ZNF469: variants seen among roughly 807,000 people sequenced by gnomAD.
The protein encoded by ZNF469 is zinc finger protein 469.
ZNF469 carries 1 observed loss-of-function variant against 1.0 expected under a neutral mutation model. That is an observed-to-expected ratio of 1.00 (90% confidence interval 0.35 to 4.73). ZNF469 has a LOEUF of 4.73. Ranked by LOEUF, ZNF469 falls within the 30% of genes most tolerant of loss-of-function variation. ZNF469 has a pLI of 0.16. For missense variants in ZNF469, 6,100 were observed against 5,356.3 expected (o/e 1.14, Z -4.33); for synonymous variants, 2,703 against 2,363.4 (o/e 1.14, Z -4.17).
chr16:88,104,700 G>A, the ZNF469 span, among the ~76,000 whole-genome samples: 1 of 152,242 alleles, frequency 6.6e-6, no homozygotes, highest in African/African-American at 2.4e-5. Flanking sequence ...AGAAAGGTTA[G>A]AAACTTCAGC....
At chr16:88,127,785 G>A in the ZNF469 span, among the ~76,000 whole-genome samples, 9 of 152,300 alleles carry the variant, frequency 5.9e-5, no homozygotes, top group Admixed American at 5.2e-4. Flanking sequence ...GTGACAACAG[G>A]AACTGTGTTT....
chr16:88,438,264 G>A lies in ZNF469; in HGVS notation c.10794G>A (p.Gly3598=), dbSNP rs1333250555. The part of the protein sequence containing the change: ...GPLLQQALPL[G]ASLPRPGARG... ...TTCTCCAGCAAGCTCTCCCTCTGGGGGCATCTCTGCCGCGGCCGGGAGCCA... is the reference window on the plus strand; with the variant it reads ...TTCTCCAGCAAGCTCTCCCTCTGGGAGCATCTCTGCCGCGGCCGGGAGCCA... Residue 3598 remains glycine, a synonymous_variant, in exon 3 of 3, where the codon GGG becomes GGA. Transcript: ENST00000565624. The A allele has an allele frequency of 8.4e-6, 13 of 1,548,244 alleles. No individual in the cohort carries two copies. Among genetic ancestry groups the A allele is most frequent in the East Asian group, 2.4e-5 (1 of 40,826 alleles).
the ZNF469 span, among the ~76,000 whole-genome samples, chr16:88,222,967 G>A: frequency 2.0e-5 from 3 of 152,214 alleles, no homozygotes; most frequent in Non-Finnish European, 4.4e-5. Context: ...CATGCTAGAG[G>A]AAGTCATCCT....
chr16:88,143,848 G>C, the ZNF469 span, among the ~76,000 whole-genome samples: 1 of 152,134 alleles, frequency 6.6e-6, no homozygotes, highest in East Asian at 1.9e-4. Flanking sequence ...ATCTTCACTT[G>C]TCTGCCTGGC....
the ZNF469 span, among the ~76,000 whole-genome samples, chr16:88,275,804 G>C: frequency 1.3e-5 from 2 of 152,256 alleles, no homozygotes; most frequent in African/African-American, 4.8e-5. Flanking sequence ...CTCTTGTTGC[G>C]GCATGGCGGA....
At chr16:88,210,759 G>A in the ZNF469 span, among the ~76,000 whole-genome samples, 4 of 152,184 alleles carry the variant, frequency 2.6e-5, no homozygotes, top group Admixed American at 2.6e-4. Context: ...ATTTCCGGGT[G>A]TTCTTTTCCA....
At chr16:88,327,181 C>G in the ZNF469 span, among the ~76,000 whole-genome samples, 1 of 152,290 alleles carries the variant, frequency 6.6e-6, no homozygotes, top group African/African-American at 2.4e-5. Flanking sequence ...CCCGGGTGGC[C>G]GCCTCTCCAG....
At chr16:88,371,553 G>A in the ZNF469 span, among the ~76,000 whole-genome samples, 1 of 152,170 alleles carries the variant, frequency 6.6e-6, no homozygotes, top group Non-Finnish European at 1.5e-5. Flanking sequence ...CTTTGTAGAG[G>A]CAGAGCTCCA....
the ZNF469 span, among the ~76,000 whole-genome samples, chr16:88,169,115 G>A: frequency 6.6e-6 from 1 of 152,126 alleles, no homozygotes; most frequent in African/African-American, 2.4e-5. This position sits in a 1 kb window ranked among gnomAD's most constrained non-coding sequence, Gnocchi z 6.1. Flanking sequence ...GTGGGTGGGA[G>A]GGTCAGCTGT....
At chr16:88,200,036 C>A in the ZNF469 span, among the ~76,000 whole-genome samples, 62,573 of 151,814 alleles carry the variant, frequency 0.41, 13,098 homozygotes, top group Admixed American at 0.48. Flanking sequence ...CCGCTCCCAC[C>A]CCCGGCTTTG....
upstream of ZNF469, among the ~76,000 whole-genome samples, chr16:88,380,076 C>A (rs921576666): frequency 6.6e-6 from 1 of 151,802 alleles, no homozygotes; most frequent in Non-Finnish European, 1.5e-5. Context: ...CACACAGACA[C>A]GCACTCACAC....
At chr16:88,247,824 A>T in the ZNF469 span, among the ~76,000 whole-genome samples, 10 of 151,692 alleles carry the variant, frequency 6.6e-5, no homozygotes, top group African/African-American at 2.4e-4. Context: ...TGAGTGAATG[A>T]GTGAGTGAGT....
chr16:88,392,255 T>C (rs1446480297), intron 1 of ZNF469, among the ~76,000 whole-genome samples: 1 of 152,286 alleles, frequency 6.6e-6, no homozygotes, highest in Non-Finnish European at 1.5e-5. Flanking sequence ...GCCAGCGATG[T>C]GCAAACGCTC....
At chr16:88,305,663 C>T in the ZNF469 span, among the ~76,000 whole-genome samples, 316 of 152,196 alleles carry the variant, frequency 2.1e-3, 1 homozygote, top group Admixed American at 3.8e-3. Flanking sequence ...TGCACACCTT[C>T]ACATACACAC....
intron 1 of ZNF469, among the ~76,000 whole-genome samples, chr16:88,396,621 G>A (rs113472510): frequency 0.076 from 7,227 of 94,982 alleles, 304 homozygotes; most frequent in Non-Finnish European, 0.098. Context: ...AAGGGAGGCC[G>A]GGAGGAGACC....
chr16:88,391,512 C>T (rs1201320630), intron 1 of ZNF469, among the ~76,000 whole-genome samples: 1 of 152,262 alleles, frequency 6.6e-6, no homozygotes, highest in African/African-American at 2.4e-5. Context: ...CAAGGGTGTC[C>T]CTCTCTGGCT....
upstream of ZNF469, among the ~76,000 whole-genome samples, chr16:88,378,393 G>T (rs185120960): frequency 5.7e-4 from 87 of 152,296 alleles, no homozygotes; most frequent in Non-Finnish European, 1.5e-4. Context: ...TATCAGCCAG[G>T]TCGCACGTTC....
chr16:88,166,411 C>T, the ZNF469 span, among the ~76,000 whole-genome samples: 17 of 152,096 alleles, frequency 1.1e-4, no homozygotes, highest in African/African-American at 1.9e-4. This position sits in a 1 kb window ranked among gnomAD's most constrained non-coding sequence, Gnocchi z 4.5. Context: ...TCGTTGTTTA[C>T]GTTTTAAGTG....
the ZNF469 span, among the ~76,000 whole-genome samples, chr16:88,133,832 G>A: frequency 3.0e-4 from 46 of 152,304 alleles, 1 homozygote; most frequent in Admixed American, 2.4e-3. Context: ...AGTGGCTCAC[G>A]CCTGTAATCC....
Sources: allele counts gnomAD v4.1 joint callset (sites outside exome capture counted in the v4.1 genomes callset), GRCh38; gene constraint gnomAD v4.1.1; non-coding constraint Gnocchi (gnomAD v3.1); transcripts MANE v1.5; gene names NCBI Gene and HGNC (gene_info 2026-07-23, HGNC 2026-07-21).